The following ERGIC1 variants were observed in gnomAD, a reference collection of about 807,000 sequenced individuals.
ERGIC1 encodes endoplasmic reticulum-golgi intermediate compartment 1, also known as endoplasmic reticulum-Golgi intermediate compartment protein 1.
A neutral mutation model predicts 38.3 loss-of-function variants in ERGIC1; 19 were observed. The observed-to-expected ratio is 0.50, with a 90% CI of 0.35 to 0.73. ERGIC1 has a LOEUF of 0.73. Among genes scored for constraint, ERGIC1 ranks in the 30% least tolerant of loss-of-function variants. The pLI is 0.01. For synonymous variants in ERGIC1, 124 were observed against 157.6 expected, an observed-to-expected ratio of 0.79 and a Z score of 1.60; for missense variants, 294 against 389.2, an observed-to-expected ratio of 0.76 and a Z score of 2.06.
intron 3 of ERGIC1, among the ~76,000 whole-genome samples, chr5:172,906,570 C>T (rs760596152): frequency 2.6e-5 from 4 of 152,112 alleles, no homozygotes; most frequent in African/African-American, 4.8e-5. Context: ...AGCATCACAC[C>T]GGGTGCTAGG....
At chr5:172,871,492 T>C (rs1306555371) in intron 1 of ERGIC1, among the ~76,000 whole-genome samples, 1 of 152,248 alleles carries the variant, frequency 6.6e-6, no homozygotes. Context: ...TAACCTGTTT[T>C]ATTTTTCTTC....
At chr5:172,871,763 G>T (rs1421348161) in intron 1 of ERGIC1, among the ~76,000 whole-genome samples, 1 of 152,248 alleles carries the variant, frequency 6.6e-6, no homozygotes, top group African/African-American at 2.4e-5. Context: ...TTGGCGGGCA[G>T]TGGGGTGAGA....
At chr5:172,877,794 G>A (rs1219513572) in intron 1 of ERGIC1, among the ~76,000 whole-genome samples, 1 of 152,152 alleles carries the variant, frequency 6.6e-6, no homozygotes, top group African/African-American at 2.4e-5. Flanking sequence ...ATAGCCTTGT[G>A]TAGATGTCAA....
intron 2 of ERGIC1, among the ~76,000 whole-genome samples, chr5:172,895,408 C>A (rs1480877631): frequency 6.6e-6 from 1 of 152,132 alleles, no homozygotes; most frequent in Non-Finnish European, 1.5e-5. Flanking sequence ...CAGCGCAGTC[C>A]TTAGTGAGCT....
chr5:172,890,378 A>G (rs1367304093), intron 2 of ERGIC1, among the ~76,000 whole-genome samples: 2 of 152,246 alleles, frequency 1.3e-5, no homozygotes, highest in African/African-American at 4.8e-5. Context: ...CTCCCAGATC[A>G]GTTCCTGGAA....
rs1280179550 is a variant in ERGIC1 at position 172,914,711 on chromosome 5, C to A, written c.251-3C>A. On this transcript the variant is annotated splice_polypyrimidine_tract_variant and splice_region_variant and intron_variant, in intron 4 of 9. Transcript: ENST00000393784. ...GACTGTTGTCTCCCTTTGGCTCCTGCAGTGGTTGGGCTTGACATTCAGGAT... is the reference window on the plus strand; with the variant it reads ...GACTGTTGTCTCCCTTTGGCTCCTGAAGTGGTTGGGCTTGACATTCAGGAT... 1 of 1,614,074 alleles carries A rather than the reference C, an allele frequency of 6.2e-7. No individual in the cohort carries two copies. Among genetic ancestry groups the A allele is most frequent in the South Asian group, 1.1e-5 (1 of 91,092 alleles).
chr5:172,922,950 A>AAG (rs1438053476), intron 5 of ERGIC1, among the ~76,000 whole-genome samples: 13 of 152,134 alleles, frequency 8.5e-5, no homozygotes, highest in Non-Finnish European at 1.8e-4. Flanking sequence ...GGCAGCAGAG[A>AAG]AGAGGTCAGG....
Position 172,952,244 on chromosome 5 carries a change from G to C in ERGIC1, c.*1428G>C, listed in dbSNP as rs1210126198. ...TAAAATTATCTTATGGATAGCTCAA[G>C]TCTCTGCCATTTGTAATTTTTGGCT... is the stretch of plus-strand genomic sequence containing the variant. On this transcript the variant is annotated 3_prime_UTR_variant, in exon 10 of 10. Transcript: ENST00000393784. 6.6e-6 allele frequency: 1 copy of C among 152,184 alleles called. No homozygotes were observed. The highest frequency in any genetic ancestry group is 1.9e-4 in the East Asian group (1 of 5,200). 9.4% of individuals were successfully genotyped at this position (152,184 alleles called of 1,614,324 possible). A position where few individuals can be genotyped will look rare whatever the true frequency, so the allele number is the denominator to read the frequency against.
intron 1 of ERGIC1, among the ~76,000 whole-genome samples, chr5:172,848,617 G>T (rs990030513): frequency 5.9e-5 from 9 of 152,218 alleles, no homozygotes; most frequent in African/African-American, 2.2e-4. Flanking sequence ...CTGAGTCCTC[G>T]AGAGCAGGGG....
intron 3 of ERGIC1, among the ~76,000 whole-genome samples, chr5:172,899,311 CTTTTTTTTTTTTTT>C (rs34478179): frequency 1.2e-5 from 1 of 82,842 alleles, no homozygotes; most frequent in South Asian, 4.6e-4. Context: ...GGAGTTACTT[CTTTTTTTTTTTTTT>C]TTTTTTTTTG....
rs182089864 is a variant in ERGIC1, at chr5:172,920,712, C to G, written c.376-3293C>G. 3.6e-4 allele frequency: 174 copies of G among 478,010 alleles called. 2 individuals are homozygous for G. In the East Asian group the frequency reaches 4.9e-3, roughly 13 times the overall value. The allele number at this position is 478,010 out of a possible 1,614,324, so 29.6% of individuals were successfully genotyped here. On this transcript the variant is annotated intron_variant, in intron 5 of 9. Coordinates refer to ENST00000393784, the MANE Select transcript of ERGIC1 (RefSeq NM_001031711.3). ...GGGGTGGCAGGTGCTGAGGGGACAGCCTTCTTGACTCACTTCACTCCCGGA... is the reference window on the plus strand; with the variant it reads ...GGGGTGGCAGGTGCTGAGGGGACAGGCTTCTTGACTCACTTCACTCCCGGA...
chr5:172,868,870 GC>G (rs1252514879), intron 1 of ERGIC1, among the ~76,000 whole-genome samples: 1 of 152,200 alleles, frequency 6.6e-6, no homozygotes, highest in Non-Finnish European at 1.5e-5. Context: ...TAAAAATATA[GC>G]CTATGTTTTA....
chr5:172,922,655 G>A (rs1277263543), intron 5 of ERGIC1, among the ~76,000 whole-genome samples: 1 of 152,250 alleles, frequency 6.6e-6, no homozygotes, highest in Admixed American at 6.5e-5. Flanking sequence ...AGACCAGACA[G>A]GAAGCAGCAG....
intron 5 of ERGIC1, among the ~76,000 whole-genome samples, chr5:172,918,934 C>G (rs2113431135): frequency 6.6e-6 from 1 of 152,266 alleles, no homozygotes; most frequent in East Asian, 1.9e-4. Flanking sequence ...ACATTCACTC[C>G]CCACCACGCC....
At chr5:172,877,446 A>G (rs570003427) in intron 1 of ERGIC1, among the ~76,000 whole-genome samples, 172 of 122,138 alleles carry the variant, frequency 1.4e-3, no homozygotes, top group African/African-American at 4.1e-3. Context: ...GTGTGTATAT[A>G]TATATATATA....
intron 9 of ERGIC1, among the ~76,000 whole-genome samples, chr5:172,948,061 A>G (rs1485871128): frequency 6.6e-6 from 1 of 152,182 alleles, no homozygotes. Context: ...ATCTTCCCTG[A>G]AAAGTCCCCC....
chr5:172,941,197 AGATCTT>A (rs1764004399), intron 9 of ERGIC1, among the ~76,000 whole-genome samples: 1 of 151,958 alleles, frequency 6.6e-6, no homozygotes, highest in African/African-American at 2.4e-5. Flanking sequence ...CTGAGACAGG[AGATCTT>A]GGCAGTAAGC....
At chr5:172,872,912 C>T (rs531005846) in intron 1 of ERGIC1, among the ~76,000 whole-genome samples, 2 of 152,366 alleles carry the variant, frequency 1.3e-5, no homozygotes, top group Non-Finnish European at 2.9e-5. Context: ...TCAAGGGACA[C>T]TTGGGGTCCC....
chr5:172,886,662 C>T (rs1762431662), intron 1 of ERGIC1, among the ~76,000 whole-genome samples: 1 of 152,172 alleles, frequency 6.6e-6, no homozygotes, highest in Non-Finnish European at 1.5e-5. Context: ...CAGGCTCTGC[C>T]TAAGTACTTT....
Sources: gnomAD v4.1 joint callset for allele counts (sites outside exome capture counted in the v4.1 genomes callset) on GRCh38, gnomAD v4.1.1 for gene constraint, MANE v1.5 for transcripts, NCBI Gene and HGNC (gene_info 2026-07-23, HGNC 2026-07-21) for gene names.